TRHDE: variants seen among roughly 807,000 people sequenced by gnomAD.
The protein encoded by TRHDE is thyrotropin-releasing hormone-degrading ectoenzyme.
A neutral mutation model predicts 125.7 loss-of-function variants in TRHDE; 72 were observed. The ratio of observed to expected loss-of-function variants is 0.57; its 90% CI spans 0.47 to 0.70. TRHDE has a LOEUF of 0.70. Among genes scored for constraint, TRHDE ranks in the 30% least tolerant of loss-of-function variants. The pLI, the probability that TRHDE is intolerant of heterozygous loss-of-function variation, is 0.00. For synonymous variants in TRHDE, 509 were observed against 509.1 expected, an observed-to-expected ratio of 1.00 and a Z score of 0.00; for missense variants, 1,110 against 1,327.1, an observed-to-expected ratio of 0.84 and a Z score of 2.54.
At chr12:72,553,277 G>C (rs1334685087) in intron 7 of TRHDE, among the ~76,000 whole-genome samples, 4 of 152,018 alleles carry the variant, frequency 2.6e-5, no homozygotes, top group Non-Finnish European at 5.9e-5. Flanking sequence ...ATAAATACTT[G>C]GATTCCTCCA....
intron 12 of TRHDE, 134 bp from the exon 13 acceptor site, chr12:72,618,757 A>C (rs113766772): frequency 6.9e-5 from 44 of 637,136 alleles, no homozygotes; most frequent in African/African-American, 6.4e-4. Flanking sequence ...TTTAAAAGTG[A>C]GTAATTTTAT....
chr12:72,469,695 G>T (rs1565754401), intron 3 of TRHDE, 63 bp from the exon 4 acceptor site: 7 of 1,533,894 alleles, frequency 4.6e-6, no homozygotes, highest in Non-Finnish European at 6.2e-6. Flanking sequence ...CACTTTTTAG[G>T]ATATAAATTC....
chr12:72,565,815 C>A (rs924769358), intron 9 of TRHDE, among the ~76,000 whole-genome samples: 1 of 151,592 alleles, frequency 6.6e-6, no homozygotes, highest in Non-Finnish European at 1.5e-5. Flanking sequence ...ACAATGAAAA[C>A]GACTGATAAG....
At chr12:72,377,891 A>C (rs1871964406) in intron 2 of TRHDE, 104 bp from the exon 3 acceptor site, 1 of 786,424 alleles carries the variant, frequency 1.3e-6, no homozygotes. Flanking sequence ...ATCCTGTTTA[A>C]GTTTTGTAGT....
At chr12:72,189,604 A>G (rs1877298024) in intron 2 of TRHDE, among the ~76,000 whole-genome samples, 1 of 152,198 alleles carries the variant, frequency 6.6e-6, no homozygotes, top group Non-Finnish European at 1.5e-5. Flanking sequence ...TGTAGGGGCT[A>G]GTTACCTTGG....
intron 2 of TRHDE, among the ~76,000 whole-genome samples, chr12:72,149,509 C>T (rs887070936): frequency 1.3e-5 from 2 of 152,000 alleles, no homozygotes; most frequent in African/African-American, 4.8e-5. Context: ...AAATCTAAGT[C>T]ACCCAGCTTG....
chr12:72,612,393 G>A (rs7309263), intron 12 of TRHDE, among the ~76,000 whole-genome samples: 63,271 of 151,922 alleles, frequency 0.42, 15,113 homozygotes, highest in African/African-American at 0.65. Flanking sequence ...TGAAAGTCAC[G>A]TGCAAGCCAG....
rs201428441 is a variant in TRHDE, at chr12:72,160,709, GAAACA to G, written n.279+54971_279+54975del. Among the ~76,000 whole-genome samples the G allele has an allele frequency of 8.1e-4, 123 of 151,916 alleles. 1 individual carries two copies. In the East Asian group the frequency reaches 0.017, roughly 21 times the overall value. On this transcript the variant is annotated intron_variant and non_coding_transcript_variant, in intron 2 of 4. Coordinates refer to the TRHDE transcript ENST00000548156. ...TCTAAACAAACAAACAAAACAAAAT[GAAACA>G]AAACAAAACAAAAGAAAAAACTTCC...
chr12:72,431,485 C>G (rs1028893271), intron 3 of TRHDE, among the ~76,000 whole-genome samples: 7 of 152,084 alleles, frequency 4.6e-5, no homozygotes, highest in African/African-American at 1.7e-4. Context: ...TATGTCCCCA[C>G]ATTTACATTA....
rs951665018 is a variant in TRHDE, at chr12:72,662,033, A to G, written c.3067-1019A>G. On this transcript the variant is annotated intron_variant, in intron 18 of 18. Transcript: ENST00000261180. Reference sequence around the variant, plus strand: ...AAGCTATCCATGAACTAATTTCTAAATCAATTCAGAAAGTTATAACCGCAT... The same window carrying G: ...AAGCTATCCATGAACTAATTTCTAAGTCAATTCAGAAAGTTATAACCGCAT... Among the ~76,000 whole-genome samples, 62 of 152,178 alleles carry G rather than the reference A, an allele frequency of 4.1e-4. 1 individual carries two copies. Among genetic ancestry groups the G allele is most frequent in the Non-Finnish European group, 4.4e-5 (3 of 68,038 alleles).
chr12:72,144,208 T>A (rs1416654431), intron 2 of TRHDE, among the ~76,000 whole-genome samples: 4 of 152,168 alleles, frequency 2.6e-5, no homozygotes, highest in African/African-American at 7.2e-5. Context: ...AGAGGTTGAC[T>A]TTTTAGGGGC....
chr12:72,332,311 TG>T (rs1869638778), intron 2 of TRHDE, among the ~76,000 whole-genome samples: 1 of 152,192 alleles, frequency 6.6e-6, no homozygotes, highest in Non-Finnish European at 1.5e-5. Flanking sequence ...GCTAATTTTT[TG>T]TATTTTTTAG....
At chr12:72,500,431 C>T (rs1461521273) in intron 6 of TRHDE, among the ~76,000 whole-genome samples, 3 of 151,952 alleles carry the variant, frequency 2.0e-5, no homozygotes, top group East Asian at 1.9e-4. Flanking sequence ...CTCACTCTGT[C>T]GCCAGGCTGG....
chr12:72,161,119 G>A (rs1041208659), intron 2 of TRHDE, among the ~76,000 whole-genome samples: 1 of 152,122 alleles, frequency 6.6e-6, no homozygotes, highest in Admixed American at 6.6e-5. Context: ...CTAATAGTAT[G>A]TGTTATTAGT....
chr12:72,419,233 T>A (rs10879424), intron 3 of TRHDE, among the ~76,000 whole-genome samples: 1 of 152,072 alleles, frequency 6.6e-6, no homozygotes, highest in Non-Finnish European at 1.5e-5. Context: ...ACTGGTCTAT[T>A]TATCCAGGAA....
rs145322797 is a variant in TRHDE, at chr12:72,559,287, C to T, written c.1789-2878C>T. ...ACTGTATATTGAATCATTCAATTCT[C>T]AGAAAAAATATATACAGTAGTTATT... is the stretch of plus-strand genomic sequence containing the variant. On this transcript the variant is annotated intron_variant, in intron 7 of 18. Coordinates refer to ENST00000261180, the MANE Select transcript of TRHDE (RefSeq NM_013381.3). Among the ~76,000 whole-genome samples the T allele has an allele frequency of 8.8e-4, 134 of 152,166 alleles. 1 individual carries two copies. Among genetic ancestry groups the T allele is most frequent in the African/African-American group, 3.2e-3 (131 of 41,524 alleles).
intron 1 of TRHDE, among the ~76,000 whole-genome samples, chr12:72,103,894 T>A (rs2139290737): frequency 6.6e-6 from 1 of 152,252 alleles, no homozygotes; most frequent in South Asian, 2.1e-4. Flanking sequence ...GCCTCTCCAG[T>A]GTCAAAGAAA....
intron 15 of TRHDE, among the ~76,000 whole-genome samples, chr12:72,641,614 G>T (rs896296322): frequency 4.6e-5 from 7 of 151,922 alleles, no homozygotes; most frequent in African/African-American, 1.7e-4. Flanking sequence ...CTATATCATT[G>T]TCAGTTGCTA....
At chr12:72,280,782 A>G (rs1879669203) in intron 1 of TRHDE, among the ~76,000 whole-genome samples, 1 of 152,222 alleles carries the variant, frequency 6.6e-6, no homozygotes. Context: ...CAGTACAGCA[A>G]GAAGAAAAGC....
Sources: gnomAD v4.1 joint callset for allele counts (sites outside exome capture counted in the v4.1 genomes callset) on GRCh38, gnomAD v4.1.1 for gene constraint, MANE v1.5 for transcripts, NCBI Gene and HGNC (gene_info 2026-07-23, HGNC 2026-07-21) for gene names.